The following PARD6B variants were observed in gnomAD, a reference collection of about 807,000 sequenced individuals.
The protein encoded by PARD6B is partitioning defective 6 homolog beta.
A neutral mutation model predicts 10.5 loss-of-function variants in PARD6B; 4 were observed. That is an observed-to-expected ratio of 0.38 (90% CI 0.19 to 0.87). The LOEUF (loss-of-function observed/expected upper bound fraction) is 0.87. PARD6B is among the 40% of genes least tolerant of loss of function. PARD6B has a pLI of 0.41. For missense variants in PARD6B, 396 were observed against 470.6 expected (o/e 0.84, Z 1.47); for synonymous variants, 169 against 170.4 (o/e 0.99, Z 0.07).
chr20:50,752,032 A>G lies in PARD6B; in HGVS notation c.*1544A>G. Reference sequence around the variant, plus strand: ...TTCTTGAGTTATGAAACTTTGCAACAGTTGTTCAAATTGGTGTTTGTCCTT... The same window carrying G: ...TTCTTGAGTTATGAAACTTTGCAACGGTTGTTCAAATTGGTGTTTGTCCTT... On this transcript the variant is annotated 3_prime_UTR_variant, in exon 3 of 3. Transcript: ENST00000371610. The G allele has an allele frequency of 2.0e-6, 2 of 985,326 alleles. No homozygotes were observed. Among genetic ancestry groups the G allele is most frequent in the Non-Finnish European group, 2.4e-6 (2 of 829,892 alleles). The allele number at this position is 985,326 out of a possible 1,614,324, so 61.0% of individuals were successfully genotyped here.
rs964800035 is a variant in PARD6B, at chr20:50,752,358, T to C, written c.*1870T>C. The C allele has an allele frequency of 1.0e-6, 1 of 985,580 alleles. No homozygotes were observed. Among genetic ancestry groups the C allele is most frequent in the African/African-American group, 1.7e-5 (1 of 57,182 alleles). The allele number at this position is 985,580 out of a possible 1,614,324, so 61.1% of individuals were successfully genotyped here. A position where few individuals can be genotyped will look rare whatever the true frequency, so the allele number is the denominator to read the frequency against. Reference sequence around the variant, plus strand: ...AAAAAAAAAAAAATTGGGTTTTCCTTCATGGGATTTCTAGAAACACTGCCT... The same window carrying C: ...AAAAAAAAAAAAATTGGGTTTTCCTCCATGGGATTTCTAGAAACACTGCCT... On this transcript the variant is annotated 3_prime_UTR_variant, in exon 3 of 3. Transcript: ENST00000371610.
intron 2 of PARD6B, among the ~76,000 whole-genome samples, chr20:50,744,994 A>G (rs1220089207): frequency 6.6e-6 from 1 of 152,168 alleles, no homozygotes; most frequent in African/African-American, 2.4e-5. Context: ...TTATTCACCA[A>G]ATCTGTACCA....
intron 1 of PARD6B, among the ~76,000 whole-genome samples, chr20:50,734,505 C>T (rs1258183188): frequency 6.6e-6 from 1 of 151,052 alleles, no homozygotes; most frequent in Admixed American, 6.6e-5. Context: ...ACCACTACAC[C>T]CAGCTTATTT....
Position 50,750,539 on chromosome 20 carries a change from T to G in PARD6B, c.*51T>G, listed in dbSNP as rs6020721. The G allele has an allele frequency of 0.36, 556,255 of 1,560,450 alleles. 104,154 individuals carry two copies. The highest frequency in any genetic ancestry group is 0.66 in the East Asian group (28,830 of 43,958). ...TGAGGATGCCATGAGGACTTGTACA[T>G]TTGGCTAGTTTAAAAGCATATATAC... is the stretch of plus-strand genomic sequence containing the variant. On this transcript the variant is annotated 3_prime_UTR_variant, in exon 3 of 3. Coordinates refer to ENST00000371610, the MANE Select transcript of PARD6B (RefSeq NM_032521.3).
At chr20:50,736,299 G>C (rs2087499133) in intron 1 of PARD6B, among the ~76,000 whole-genome samples, 1 of 152,076 alleles carries the variant, frequency 6.6e-6, no homozygotes, top group Non-Finnish European at 1.5e-5. Flanking sequence ...ATTATGGTAG[G>C]GGCTTTCTCT....
chr20:50,735,793 C>T (rs1002494522), intron 1 of PARD6B, among the ~76,000 whole-genome samples: 8 of 152,256 alleles, frequency 5.3e-5, no homozygotes, highest in Admixed American at 1.3e-4. Flanking sequence ...CATCCAAAAG[C>T]TTTAACAAAA....
At chr20:50,740,394 T>A (rs758898993) in intron 2 of PARD6B, among the ~76,000 whole-genome samples, 21 of 152,256 alleles carry the variant, frequency 1.4e-4, no homozygotes, top group Non-Finnish European at 2.8e-4. Context: ...TATTGCCATG[T>A]GACAGAATTT....
At chr20:50,732,996 T>A (rs923084675) in intron 1 of PARD6B, among the ~76,000 whole-genome samples, 7 of 151,510 alleles carry the variant, frequency 4.6e-5, no homozygotes, top group Non-Finnish European at 8.8e-5. Flanking sequence ...TACAGTGGAG[T>A]AAGGAAAGCT....
chr20:50,734,433 A>G lies in PARD6B; in HGVS notation c.66+2581A>G, dbSNP rs566615017. On this transcript the variant is annotated intron_variant, in intron 1 of 2. Coordinates refer to ENST00000371610, the MANE Select transcript of PARD6B (RefSeq NM_032521.3). ...ACGATCACGGCTCACTGCAGCCTCAACCTCCTGAGCTCAAGCGATTCTCCG... is the reference window on the plus strand; with the variant it reads ...ACGATCACGGCTCACTGCAGCCTCAGCCTCCTGAGCTCAAGCGATTCTCCG... Among the ~76,000 whole-genome samples, 5 of 151,878 alleles carry G rather than the reference A, an allele frequency of 3.3e-5. No individual in the cohort carries two copies. In the East Asian group the frequency reaches 9.7e-4, roughly 29 times the overall value.
At position 50,750,501 on chromosome 20, in the gene PARD6B, A is replaced by G. The variant is rs778888284; in HGVS notation, c.*13A>G. ...CATAACATTATGAAACCGTGGTTTGAATGTTTTCAGAGTGAGGATGCCATG... is the reference window on the plus strand; with the variant it reads ...CATAACATTATGAAACCGTGGTTTGGATGTTTTCAGAGTGAGGATGCCATG... On this transcript the variant is annotated 3_prime_UTR_variant, in exon 3 of 3. Transcript: ENST00000371610. 5 of 1,604,766 alleles carry G rather than the reference A, an allele frequency of 3.1e-6. No homozygotes were observed. Among genetic ancestry groups the G allele is most frequent in the Non-Finnish European group, 2.6e-6 (3 of 1,175,016 alleles).
chr20:50,749,582 TTC>T, intron 2 of PARD6B, 75 bp from the exon 3 acceptor site: 1 of 1,252,910 alleles, frequency 8.0e-7, no homozygotes, highest in South Asian at 1.6e-5. Context: ...GAGTTATCCT[TTC>T]TGTACAGATT....
At chr20:50,743,274 C>G (rs1478805658) in intron 2 of PARD6B, among the ~76,000 whole-genome samples, 1 of 152,190 alleles carries the variant, frequency 6.6e-6, no homozygotes, top group Non-Finnish European at 1.5e-5. Flanking sequence ...ATCTCTACAT[C>G]CAGACTTCTT....
chr20:50,750,513 G>C lies in PARD6B; in HGVS notation c.*25G>C, dbSNP rs570513096. ...AAACCGTGGTTTGAATGTTTTCAGA[G>C]TGAGGATGCCATGAGGACTTGTACA... is the stretch of plus-strand genomic sequence containing the variant. On this transcript the variant is annotated 3_prime_UTR_variant, in exon 3 of 3. Coordinates refer to ENST00000371610, the MANE Select transcript of PARD6B (RefSeq NM_032521.3). The C allele has an allele frequency of 1.9e-6, 3 of 1,597,948 alleles. No individual in the cohort carries two copies. In the South Asian group the frequency reaches 3.4e-5, roughly 18 times the overall value.
chr20:50,749,260 T>G (rs1420517053), intron 2 of PARD6B, among the ~76,000 whole-genome samples: 1 of 151,960 alleles, frequency 6.6e-6, no homozygotes, highest in Admixed American at 6.6e-5. Context: ...GGAGAATTGC[T>G]TGAACCCGGG....
At chr20:50,737,460 T>C (rs895237396) in intron 1 of PARD6B, among the ~76,000 whole-genome samples, 1 of 152,190 alleles carries the variant, frequency 6.6e-6, no homozygotes, top group African/African-American at 2.4e-5. Context: ...CTTAAATGCT[T>C]TCCTTTGGTC....
chr20:50,750,608 C>G lies in PARD6B; in HGVS notation c.*120C>G, dbSNP rs1353167431. The G allele has an allele frequency of 7.0e-7, 1 of 1,433,580 alleles. No individual in the cohort carries two copies. The highest frequency in any genetic ancestry group is 9.1e-7 in the Non-Finnish European group (1 of 1,097,970). The allele number at this position is 1,433,580 out of a possible 1,614,324, so 88.8% of individuals were successfully genotyped here. A position where few individuals can be genotyped will look rare whatever the true frequency, so the allele number is the denominator to read the frequency against. ...AATAGGCATGAGACGAGTAACGTTG[C>G]AAGCTTACAATATTATTAAAGTAGT... On this transcript the variant is annotated 3_prime_UTR_variant, in exon 3 of 3. Coordinates refer to ENST00000371610, the MANE Select transcript of PARD6B (RefSeq NM_032521.3).
At chr20:50,742,816 GTGT>G (rs1296988499) in intron 2 of PARD6B, among the ~76,000 whole-genome samples, 7 of 152,312 alleles carry the variant, frequency 4.6e-5, no homozygotes, top group Admixed American at 3.9e-4. Flanking sequence ...GTTTAAGATA[GTGT>G]TGTTGGATAT....
In PARD6B at chr20:50,740,143, A is replaced by G. The variant is rs886440997; in HGVS notation, c.289+2064A>G. 1.6e-4 allele frequency among the ~76,000 whole-genome samples: 24 copies of G among 152,242 alleles called. 1 individual carries two copies. The highest frequency in any genetic ancestry group is 1.4e-3 in the Admixed American group (22 of 15,284). On this transcript the variant is annotated intron_variant, in intron 2 of 2. Transcript: ENST00000371610. The stretch of plus-strand genomic sequence containing the variant: ...AGTTCAGGGTAGAAATCCAAAAACT[A>G]GTTAGATTTGCAAGCTTTTTGAAAA...
At chr20:50,736,817 C>T (rs1000991593) in intron 1 of PARD6B, among the ~76,000 whole-genome samples, 2 of 151,938 alleles carry the variant, frequency 1.3e-5, no homozygotes, top group African/African-American at 4.8e-5. Flanking sequence ...TCTCCTGCCT[C>T]AGCCTCCTGA....
Sources: allele counts gnomAD v4.1 joint callset (sites outside exome capture counted in the v4.1 genomes callset), GRCh38; gene constraint gnomAD v4.1.1; transcripts MANE v1.5; gene names NCBI Gene and HGNC (gene_info 2026-07-23, HGNC 2026-07-21).